Variants in AGAP3 observed in about 807,000 individuals in gnomAD.
The protein encoded by AGAP3 is arf-GAP with GTPase, ANK repeat and PH domain-containing protein 3.
A neutral mutation model predicts 96.9 loss-of-function variants in AGAP3; 24 were observed. The ratio of observed to expected loss-of-function variants is 0.25; its 90% confidence interval spans 0.18 to 0.35. The LOEUF (loss-of-function observed/expected upper bound fraction) is 0.35, where lower values mean the gene tolerates loss of function less well. AGAP3 is among the 10% of genes least tolerant of loss of function. The probability of loss-of-function intolerance (pLI) is 1.00; values close to 1 mark genes in which losing one functional copy is unlikely to be tolerated. For synonymous variants in AGAP3, 563 were observed against 536.1 expected (o/e 1.05, Z -0.69); for missense variants, 876 against 1,254.2 (o/e 0.70, Z 4.55).
intron 8 of AGAP3, chr7:151,123,200 G>A (rs1799997482): frequency 1.9e-6 from 2 of 1,071,660 alleles, no homozygotes; most frequent in Non-Finnish European, 2.3e-6. Context: ...GGAAGCCGCC[G>A]CCGCCGCCGC....
At position 151,140,082 on chromosome 7, in the gene AGAP3, C is replaced by T. The variant is rs1800762516; in HGVS notation, c.1770C>T (p.Thr590=). Residue 590 remains threonine (T), a synonymous_variant, in exon 13 of 18, where the codon ACC becomes ACT. Coordinates refer to ENST00000397238, the MANE Select transcript of AGAP3 (RefSeq NM_031946.7). The surrounding 1 kb of genome is among the most constrained non-coding windows in gnomAD (Gnocchi z 5.4). ...ACCGGAGGAAAAAGAGCACCGGGAC[C>T]CCCCGACCAGACGGCCCCAGCAGTG... ...KKHRRKKSTG[T]PRPDGPSSAT... The T allele has an allele frequency of 6.2e-6, 10 of 1,604,558 alleles. No homozygotes were observed. The highest frequency in any genetic ancestry group is 8.5e-6 in the Non-Finnish European group (10 of 1,175,994).
intron 1 of AGAP3, among the ~76,000 whole-genome samples, chr7:151,105,776 GC>G (rs771073524): frequency 0.029 from 282 of 9,820 alleles, 27 homozygotes; most frequent in African/African-American, 0.086. Flanking sequence ...CCTCCATTCC[GC>G]CCCCCCCCCC....
chr7:151,126,055 TGGGTG>T (rs71196738), intron 9 of AGAP3, among the ~76,000 whole-genome samples: 103,592 of 128,912 alleles, frequency 0.8, 39,491 homozygotes, highest in East Asian at 0.95. Flanking sequence ...AGCGGGCGGG[TGGGTG>T]GGGTGGGGCG....
In AGAP3 at chr7:151,117,715, T is replaced by C. The variant is rs1222423499; in HGVS notation, c.644T>C (p.Phe215Ser). 6.2e-7 allele frequency: 1 copy of C among 1,614,184 alleles called. No individual in the cohort carries two copies. The highest frequency in any genetic ancestry group is 8.5e-7 in the Non-Finnish European group (1 of 1,180,002). ...AGTTTCCAGACGGTGTACAACTACT[T>C]CCTGCGTCTCTGCAGCTTCCGCAAC... ...EISFQTVYNY[F>S]LRLCSFRNAS... Residue 215 changes from phenylalanine (F) to serine (S), a missense_variant, in exon 5 of 18, where the codon TTC becomes TCC. Transcript: ENST00000397238.
intron 1 of AGAP3, among the ~76,000 whole-genome samples, chr7:151,094,381 C>T (rs1161272259): frequency 6.6e-6 from 1 of 152,000 alleles, no homozygotes; most frequent in African/African-American, 2.4e-5. Context: ...CACTCTGGCA[C>T]CCTGCCCTCC....
chr7:151,134,515 G>A lies in AGAP3; in HGVS notation c.1442G>A (p.Arg481His), dbSNP rs542013650. 2.4e-5 allele frequency: 38 copies of A among 1,613,174 alleles called. No individual in the cohort carries two copies. The highest frequency in any genetic ancestry group is 8.8e-5 in the South Asian group (8 of 91,050). The change falls in exon 11 of 18, where the codon CGT (arginine) becomes CAT (histidine). Residue 481 changes from arginine (R) to histidine (H), a missense_variant. By Grantham distance (29) the Arg-to-His change is conservative. Around this residue, in one of 8 missense-constraint regions of AGAP3, gnomAD observed 63 missense variants for 114.5 expected, o/e 0.55. Coordinates refer to ENST00000397238, the MANE Select transcript of AGAP3 (RefSeq NM_031946.7). The stretch of plus-strand genomic sequence containing the variant: ...GCCACAGCCCCGGGCACCAGCCCCC[G>A]TGCCAACGGGCTGTCCGTGGAGCGG... ...TPATAPGTSP[R>H]ANGLSVERSN...
chr7:151,133,936 A>G lies in AGAP3; in HGVS notation c.1327-464A>G, dbSNP rs1800494142. 6.6e-6 allele frequency among the ~76,000 whole-genome samples: 1 copy of G among 152,164 alleles called. No individual in the cohort carries two copies. Among genetic ancestry groups the G allele is most frequent in the Non-Finnish European group, 1.5e-5 (1 of 68,024 alleles). Reference sequence around the variant, plus strand: ...AGTGTTTATTATCAGACACTGTCCTAAGGGCTGGGACTATTCTAGGCTTTA... The same window carrying G: ...AGTGTTTATTATCAGACACTGTCCTGAGGGCTGGGACTATTCTAGGCTTTA... On this transcript the variant is annotated intron_variant, in intron 10 of 17. Coordinates refer to ENST00000397238, the MANE Select transcript of AGAP3 (RefSeq NM_031946.7). The surrounding 1 kb of genome is among the most constrained non-coding windows in gnomAD (Gnocchi z 5.4).
chr7:151,105,869 C>CTT (rs147301108), intron 1 of AGAP3, among the ~76,000 whole-genome samples: 40,144 of 116,160 alleles, frequency 0.35, 8,192 homozygotes, highest in Non-Finnish European at 0.42. Context: ...AGGTAAGAGT[C>CTT]TTTTTTTTTT....
rs973999449 is a variant in AGAP3 at position 151,134,664 on chromosome 7, A to T, written c.1495+96A>T. The T allele has an allele frequency of 7.8e-6, 10 of 1,287,424 alleles. No individual in the cohort carries two copies. In the African/African-American group the frequency reaches 1.5e-4, roughly 19 times the overall value. The allele number at this position is 1,287,424 out of a possible 1,614,324, so 79.8% of individuals were successfully genotyped here. A position where few individuals can be genotyped will look rare whatever the true frequency, so the allele number is the denominator to read the frequency against. On this transcript the variant is annotated intron_variant, in intron 11 of 17. Transcript: ENST00000397238. The stretch of plus-strand genomic sequence containing the variant: ...CTTGGCTGCTTCTCAGCCTGGGCAC[A>T]GGGTGCTGGCCAGCATCACACTTCA...
intron 10 of AGAP3, among the ~76,000 whole-genome samples, chr7:151,129,259 G>A (rs1224020657): frequency 4.6e-5 from 7 of 151,616 alleles, no homozygotes; most frequent in South Asian, 2.1e-4. Context: ...AGCTGTCACC[G>A]GAATTCATCT....
rs760677803 is a variant in AGAP3 at position 151,128,595 on chromosome 7, C to T, written c.1237C>T (p.Arg413Trp). The T allele has an allele frequency of 8.7e-6, 14 of 1,613,692 alleles. No homozygotes were observed. The highest frequency in any genetic ancestry group is 2.2e-5 in the South Asian group (2 of 91,072). The change falls in exon 10 of 18, where the codon CGG becomes TGG. Residue 413 changes from arginine to tryptophan, a missense_variant. Coordinates refer to ENST00000397238, the MANE Select transcript of AGAP3 (RefSeq NM_031946.7). Reference sequence around the variant, plus strand: ...CTGTTCTCAGGGGATCCTGCTAAAGCGGAGCGGCAAGTCCCTGAACAAGGA... The same window carrying T: ...CTGTTCTCAGGGGATCCTGCTAAAGTGGAGCGGCAAGTCCCTGAACAAGGA... ...IPIKQGILLK[R>W]SGKSLNKEWK...
At chr7:151,125,652 C>T (rs1283257332) in intron 9 of AGAP3, among the ~76,000 whole-genome samples, 1 of 152,138 alleles carries the variant, frequency 6.6e-6, no homozygotes, top group Non-Finnish European at 1.5e-5. Flanking sequence ...ATTCCTGGCG[C>T]TTCCCCGCTG....
chr7:151,120,970 GGT>G, intron 8 of AGAP3: 1 of 593,016 alleles, frequency 1.7e-6, no homozygotes, highest in African/African-American at 2.0e-5. Flanking sequence ...GACAAAGGTG[GGT>G]GAACCCCCGT....
chr7:151,089,303 G>T (rs972774821), intron 1 of AGAP3, among the ~76,000 whole-genome samples: 1 of 152,222 alleles, frequency 6.6e-6, no homozygotes, highest in Admixed American at 6.5e-5. Context: ...GAGAGGCGCA[G>T]ACTCCCTGGG....
chr7:151,129,336 C>G (rs577434425), intron 10 of AGAP3, among the ~76,000 whole-genome samples: 2 of 152,124 alleles, frequency 1.3e-5, no homozygotes, highest in Non-Finnish European at 1.5e-5. Flanking sequence ...GCGCGTGCCC[C>G]CCACTGCCCC....
At position 151,142,093 on chromosome 7, in the gene AGAP3, G is replaced by T. The variant is rs765634820; in HGVS notation, c.1959+41G>T. ...CTGGGCCCACACAGAGCACCTGGCT[G>T]GGGTGGGACTGAAAGGGGCCTCATG... is the stretch of plus-strand genomic sequence containing the variant. On this transcript the variant is annotated intron_variant, in intron 14 of 17. Coordinates refer to ENST00000397238, the MANE Select transcript of AGAP3 (RefSeq NM_031946.7). The surrounding 1 kb of genome is among the most constrained non-coding windows in gnomAD (Gnocchi z 7.5). The T allele has an allele frequency of 1.9e-6, 3 of 1,607,376 alleles. No individual in the cohort carries two copies. Among genetic ancestry groups the T allele is most frequent in the Non-Finnish European group, 2.6e-6 (3 of 1,175,316 alleles).
rs181854610 is a variant in AGAP3 at position 151,119,405 on chromosome 7, T to C, written c.970-582T>C. Among the ~76,000 whole-genome samples, 5 of 152,328 alleles carry C rather than the reference T, an allele frequency of 3.3e-5. No homozygotes were observed. In the East Asian group the frequency reaches 7.7e-4, roughly 24 times the overall value. On this transcript the variant is annotated intron_variant, in intron 7 of 17. Coordinates refer to ENST00000397238, the MANE Select transcript of AGAP3 (RefSeq NM_031946.7). ...CCATTCTGTGATCTCTGTCTTTTTC[T>C]CTTTCTTTCCCTTCTCTGTTCCACA...
intron 8 of AGAP3, chr7:151,121,002 C>A: frequency 3.4e-6 from 1 of 295,778 alleles, no homozygotes; most frequent in Non-Finnish European, 5.3e-6. Flanking sequence ...CACGAGAGCG[C>A]CCGCCCCTCC....
intron 1 of AGAP3, among the ~76,000 whole-genome samples, chr7:151,091,590 A>G (rs11765200): frequency 0.28 from 43,197 of 152,148 alleles, 6,420 homozygotes; most frequent in Admixed American, 0.4. Context: ...CTGGGAGTCC[A>G]GAAGGAGACC....
Sources: allele counts gnomAD v4.1 joint callset (sites outside exome capture counted in the v4.1 genomes callset), GRCh38; gene constraint gnomAD v4.1.1; regional missense constraint gnomAD v4.1.1; non-coding constraint Gnocchi (gnomAD v3.1); transcripts MANE v1.5; gene names NCBI Gene and HGNC (gene_info 2026-07-23, HGNC 2026-07-21).